Variants in SGCZ observed in about 807,000 individuals in gnomAD.
SGCZ encodes sarcoglycan zeta.
Under a neutral mutation model 41.3 loss-of-function variants are expected in SGCZ, and 40 were observed. That is an observed-to-expected ratio of 0.97 (90% CI 0.75 to 1.26). The LOEUF (loss-of-function observed/expected upper bound fraction) is 1.26, where lower values mean the gene tolerates loss of function less well. Among genes scored for constraint, SGCZ ranks in the 50% most tolerant of loss-of-function variants. SGCZ has a pLI of 0.00. For missense variants in SGCZ, 552 were observed against 369.8 expected (o/e 1.49, Z -4.04); for synonymous variants, 206 against 137.5 (o/e 1.50, Z -3.49).
At chr8:14,475,310 G>C (rs992126869) in intron 2 of SGCZ, among the ~76,000 whole-genome samples, 15 of 152,034 alleles carry the variant, frequency 9.9e-5, no homozygotes, top group African/African-American at 2.7e-4. Flanking sequence ...AAGAATTGTG[G>C]AGTTGCTGCC....
At position 14,361,430 on chromosome 8, in the gene SGCZ, G is replaced by T. The variant is rs1035911289; in HGVS notation, c.235-37226C>A. Among the ~76,000 whole-genome samples, 8 of 151,922 alleles carry T rather than the reference G, an allele frequency of 5.3e-5. No individual in the cohort carries two copies. In the East Asian group the frequency reaches 1.2e-3, roughly 22 times the overall value. On this transcript the variant is annotated intron_variant, in intron 2 of 7. Coordinates refer to ENST00000382080, the MANE Select transcript of SGCZ (RefSeq NM_139167.4). ...TCTTATCGCTTTATTTCATTAATTTGCTCTTCAATCACTGATATCCTTTCT... is the reference window on the plus strand; with the variant it reads ...TCTTATCGCTTTATTTCATTAATTTTCTCTTCAATCACTGATATCCTTTCT...
At chr8:14,215,619 A>G in intron 4 of SGCZ, among the ~76,000 whole-genome samples, 1 of 152,132 alleles carries the variant, frequency 6.6e-6, no homozygotes, top group South Asian at 2.1e-4. Context: ...GAAAAAAGAG[A>G]GAAGGCACAA....
chr8:14,473,757 G>T (rs1306816504), intron 2 of SGCZ, among the ~76,000 whole-genome samples: 1 of 152,000 alleles, frequency 6.6e-6, no homozygotes, highest in African/African-American at 2.4e-5. Context: ...CTAACATGGT[G>T]AAACCCTGTC....
At chr8:14,342,299 A>G (rs1802737661) in intron 2 of SGCZ, among the ~76,000 whole-genome samples, 2 of 152,192 alleles carry the variant, frequency 1.3e-5, no homozygotes, top group South Asian at 2.1e-4. Flanking sequence ...ATGATTTAGA[A>G]TATCTGGCAG....
Position 14,821,156 on chromosome 8 carries a change from A to G in SGCZ, c.40-266230T>C, listed in dbSNP as rs529405550. On this transcript the variant is annotated intron_variant, in intron 1 of 7. Coordinates refer to ENST00000382080, the MANE Select transcript of SGCZ (RefSeq NM_139167.4). Reference sequence around the variant, plus strand: ...ATGTTAAAACTGATGTCACAGAAATACAAAGGCTGATAAGAGACTATTATG... The same window carrying G: ...ATGTTAAAACTGATGTCACAGAAATGCAAAGGCTGATAAGAGACTATTATG... 3.9e-5 allele frequency among the ~76,000 whole-genome samples: 6 copies of G among 152,164 alleles called. No homozygotes were observed. In the East Asian group the frequency reaches 1.2e-3, roughly 29 times the overall value.
At chr8:15,028,350 C>T (rs1803529563) in intron 1 of SGCZ, among the ~76,000 whole-genome samples, 1 of 151,898 alleles carries the variant, frequency 6.6e-6, no homozygotes, top group Non-Finnish European at 1.5e-5. Context: ...GGAACACTAT[C>T]GTCTTTCTAA....
chr8:14,860,781 C>A (rs1803721375), intron 1 of SGCZ, among the ~76,000 whole-genome samples: 1 of 151,580 alleles, frequency 6.6e-6, no homozygotes, highest in Non-Finnish European at 1.5e-5. Context: ...GAAACTCTCT[C>A]TACCAAGAAC....
rs1802556577 is a variant in SGCZ at position 14,117,407 on chromosome 8, TCTGTGTGTGTGTGTGTGTG to T, written c.548-9191_548-9173del. Among the ~76,000 whole-genome samples, 5 of 96,934 alleles carry T rather than the reference TCTGTGTGTGTGTGTGTGTG, an allele frequency of 5.2e-5. No individual in the cohort carries two copies. The South Asian group carries it at 1.5e-3, about 29-fold the overall frequency. The allele number at this position is 96,934 out of a possible 152,430, so 63.6% of individuals were successfully genotyped here. On this transcript the variant is annotated intron_variant, in intron 5 of 7. Transcript: ENST00000382080. ...AAATTGTGACACTGAGATGCACACA[TCTGTGTGTGTGTGTGTGTG>T]TGTGTGTGTGTGTGTGAATGCAGAG...
At chr8:14,397,986 C>A (rs1309211017) in intron 2 of SGCZ, among the ~76,000 whole-genome samples, 1 of 152,096 alleles carries the variant, frequency 6.6e-6, no homozygotes, top group Non-Finnish European at 1.5e-5. Context: ...ATGGAATTTT[C>A]TTCCTCTCAG....
chr8:14,769,539 C>T (rs1267354645), intron 1 of SGCZ, among the ~76,000 whole-genome samples: 4 of 152,126 alleles, frequency 2.6e-5, no homozygotes, highest in Non-Finnish European at 5.9e-5. Context: ...CGCCTGTAAT[C>T]CCAGCACTTT....
rs879812124 is a variant in SGCZ at position 14,317,972 on chromosome 8, G to GA, written c.336+6130dup. 7.4e-3 allele frequency among the ~76,000 whole-genome samples: 1,069 copies of GA among 143,528 alleles called. 8 individuals are homozygous for GA. Among genetic ancestry groups the GA allele is most frequent in the South Asian group, 0.028 (129 of 4,634 alleles). The allele number at this position is 143,528 out of a possible 152,430, so 94.2% of individuals were successfully genotyped here. A position where few individuals can be genotyped will look rare whatever the true frequency, so the allele number is the denominator to read the frequency against. On this transcript the variant is annotated intron_variant, in intron 3 of 7. Coordinates refer to ENST00000382080, the MANE Select transcript of SGCZ (RefSeq NM_139167.4). ...AACAAAGGAATCACTCTACCAATTA[G>GA]AAAAAAAAAAAAACTTCTTACAGCT...
intron 1 of SGCZ, among the ~76,000 whole-genome samples, chr8:14,827,218 C>A (rs553883857): frequency 4.2e-4 from 62 of 148,874 alleles, no homozygotes; most frequent in African/African-American, 1.5e-3. Flanking sequence ...CTGTTTATAT[C>A]ACATTTTCTT....
intron 1 of SGCZ, among the ~76,000 whole-genome samples, chr8:14,880,225 G>C (rs1351719693): frequency 6.6e-6 from 1 of 152,116 alleles, no homozygotes; most frequent in Non-Finnish European, 1.5e-5. Context: ...CTGGCCATCA[G>C]AGAAATGCAA....
At chr8:14,711,515 T>C (rs1338519322) in intron 1 of SGCZ, among the ~76,000 whole-genome samples, 1 of 148,786 alleles carries the variant, frequency 6.7e-6, no homozygotes, top group Non-Finnish European at 1.5e-5. Context: ...CGCAGGAGAA[T>C]TGCTTGAATC....
At chr8:14,794,926 T>C (rs1171068717) in intron 1 of SGCZ, among the ~76,000 whole-genome samples, 1 of 152,158 alleles carries the variant, frequency 6.6e-6, no homozygotes. Context: ...TGAAGAACAG[T>C]ATGTCCAGAT....
Position 14,237,606 on chromosome 8 carries a change from C to T in SGCZ, c.410G>A (p.Gly137Glu). Residue 137 changes from glycine (G) to glutamate (E), a missense_variant, in exon 4 of 8, where the codon GGA becomes GAA. Gly to Glu is a moderately conservative substitution (Grantham distance 98). Coordinates refer to ENST00000382080, the MANE Select transcript of SGCZ (RefSeq NM_139167.4). ...NARNHMGQLT[G>E]QLTIGADAVE... ...AAAACACTCACCTATGGTCAGCTGT[C>T]CGGTTAACTGCCCCATGTGATTTCT... 1 of 1,613,900 alleles carries T rather than the reference C, an allele frequency of 6.2e-7. No homozygotes were observed. Among genetic ancestry groups the T allele is most frequent in the South Asian group, 1.1e-5 (1 of 91,080 alleles).
chr8:15,135,753 C>G (rs1808079208), intron 1 of SGCZ, among the ~76,000 whole-genome samples: 1 of 152,064 alleles, frequency 6.6e-6, no homozygotes, highest in East Asian at 1.9e-4. Context: ...GGTTCTTGGC[C>G]TATCCCAGGA....
intron 1 of SGCZ, among the ~76,000 whole-genome samples, chr8:14,923,645 G>A (rs1403611130): frequency 6.6e-6 from 1 of 152,174 alleles, no homozygotes; most frequent in African/African-American, 2.4e-5. Flanking sequence ...ACAATTTAAA[G>A]TACATTGGAA....
Position 14,224,279 on chromosome 8 carries a change from T to C in SGCZ, c.424+13313A>G, listed in dbSNP as rs182037772. Among the ~76,000 whole-genome samples the C allele has an allele frequency of 3.9e-5, 6 of 152,158 alleles. No individual in the cohort carries two copies. The East Asian group carries it at 1.2e-3, about 29-fold the overall frequency. On this transcript the variant is annotated intron_variant, in intron 4 of 7. Coordinates refer to ENST00000382080, the MANE Select transcript of SGCZ (RefSeq NM_139167.4). Reference sequence around the variant, plus strand: ...ATCCAGAAATTCATTTAATAGGGGATGGAAATACCAAGGGTAGAAAAGAAC... The same window carrying C: ...ATCCAGAAATTCATTTAATAGGGGACGGAAATACCAAGGGTAGAAAAGAAC...
Sources: gnomAD v4.1 joint callset for allele counts (sites outside exome capture counted in the v4.1 genomes callset) on GRCh38, gnomAD v4.1.1 for gene constraint, MANE v1.5 for transcripts, NCBI Gene and HGNC (gene_info 2026-07-23, HGNC 2026-07-21) for gene names.